The following KXD1 variants were observed in gnomAD, a reference collection of about 807,000 sequenced individuals.
The protein encoded by KXD1 is KxDL motif containing 1, also known as kxDL motif-containing protein 1.
KXD1 carries 5 observed loss-of-function variants against 12.1 expected under a neutral mutation model. That is an observed-to-expected ratio of 0.41 (90% CI 0.22 to 0.87). The LOEUF (loss-of-function observed/expected upper bound fraction) is 0.87. Among genes scored for constraint, KXD1 ranks in the 40% least tolerant of loss-of-function variants. The pLI, the probability that KXD1 is intolerant of heterozygous loss-of-function variation, is 0.31. For missense variants in KXD1, 193 were observed against 244.9 expected, an observed-to-expected ratio of 0.79 and a Z score of 1.41; for synonymous variants, 98 against 100.5, an observed-to-expected ratio of 0.98 and a Z score of 0.15.
chr19:18,567,943 G>A (rs1429773723), intron 4 of KXD1, among the ~76,000 whole-genome samples: 1 of 152,106 alleles, frequency 6.6e-6, no homozygotes, highest in Non-Finnish European at 1.5e-5. Context: ...TTCCCTGCCT[G>A]GGCCTCAGTT....
chr19:18,565,230 G>GTTTTT, intron 3 of KXD1: 10 of 1,090,242 alleles, frequency 9.2e-6, no homozygotes, highest in Admixed American at 7.3e-5. Flanking sequence ...TCGAGACAGA[G>GTTTTT]TTTTTTTTTT....
chr19:18,558,822 G>C (rs543062198), intron 1 of KXD1: 3 of 152,012 alleles, frequency 2.0e-5, no homozygotes, highest in African/African-American at 4.8e-5. Context: ...AGGAAGTTGC[G>C]GGGGGACGGG....
intron 1 of KXD1, chr19:18,561,769 G>GTC: frequency 3.9e-6 from 1 of 258,270 alleles, no homozygotes; most frequent in Non-Finnish European, 7.5e-6. Flanking sequence ...TGTGGCCTTG[G>GTC]GCTCATGGAA....
chr19:18,559,329 A>G (rs1977042603), intron 1 of KXD1: 1 of 151,958 alleles, frequency 6.6e-6, no homozygotes, highest in South Asian at 2.1e-4. Flanking sequence ...GAATGTGGAG[A>G]CTGGGTGTCT....
intron 4 of KXD1, 69 bp downstream of exon 4, chr19:18,567,247 G>A: frequency 6.6e-7 from 1 of 1,504,258 alleles, no homozygotes. Context: ...GCTTCTGGAA[G>A]GCCACCTTGG....
intron 2 of KXD1, among the ~76,000 whole-genome samples, chr19:18,563,476 G>A (rs190194181): frequency 4.6e-5 from 7 of 151,846 alleles, no homozygotes; most frequent in African/African-American, 1.7e-4. Flanking sequence ...CTCCTGAGTC[G>A]CTGGGATTAT....
At position 18,564,940 on chromosome 19, in the gene KXD1, A is replaced by G; in HGVS notation, c.173A>G (p.Gln58Arg). Residue 58 changes from glutamine (Q) to arginine (R), a missense_variant, in exon 3 of 5, where the codon CAG becomes CGG. By Grantham distance (43) the Gln-to-Arg change is conservative (BLOSUM62 1). Coordinates refer to ENST00000222307, the MANE Select transcript of KXD1 (RefSeq NM_024069.4). ...FNNLSSARLQ[Q>R]MSERFLHHTR... is the part of the protein sequence containing the mutation. ...AACCTGTCCAGTGCCCGCCTGCAGC[A>G]GATGAGCGAACGCTTCCTGCACCAC... 3.1e-6 allele frequency: 5 copies of G among 1,613,542 alleles called. No individual in the cohort carries two copies. Among genetic ancestry groups the G allele is most frequent in the Non-Finnish European group, 4.2e-6 (5 of 1,180,024 alleles).
intron 3 of KXD1, chr19:18,565,261 G>C: frequency 8.5e-7 from 1 of 1,179,372 alleles, no homozygotes; most frequent in Non-Finnish European, 1.1e-6. Flanking sequence ...ACGGAGTCTC[G>C]CTCTGTTGCC....
intron 3 of KXD1, 87 bp from the exon 4 acceptor site, chr19:18,567,045 C>T (rs1975278514): frequency 3.2e-6 from 4 of 1,261,218 alleles, no homozygotes; most frequent in Non-Finnish European, 4.6e-6. Context: ...CCCTTGCCCT[C>T]AGCTGGCAGC....
At chr19:18,567,575 G>C (rs909682982) in intron 4 of KXD1, among the ~76,000 whole-genome samples, 3 of 152,208 alleles carry the variant, frequency 2.0e-5, no homozygotes, top group African/African-American at 7.2e-5. Flanking sequence ...TCACCCATGG[G>C]GTGGGGACTG....
chr19:18,564,963 C>T lies in KXD1; in HGVS notation c.196C>T (p.His66Tyr). Residue 66 changes from histidine (H) to tyrosine (Y), a missense_variant, in exon 3 of 5, where the codon CAC becomes TAC. Coordinates refer to ENST00000222307, the MANE Select transcript of KXD1 (RefSeq NM_024069.4). ...LQQMSERFLH[H>Y]TRTLVEMKRD... The stretch of plus-strand genomic sequence containing the variant: ...GCAGATGAGCGAACGCTTCCTGCAC[C>T]ACACGAGGACCCTAGTAGAGATGAA... The T allele has an allele frequency of 3.1e-6, 5 of 1,612,352 alleles. No homozygotes were observed. Among genetic ancestry groups the T allele is most frequent in the Non-Finnish European group, 4.2e-6 (5 of 1,180,004 alleles).
intron 3 of KXD1, 73 bp from the exon 4 acceptor site, chr19:18,567,059 G>A: frequency 7.0e-7 from 1 of 1,437,514 alleles, no homozygotes. Context: ...TGGCAGCAGG[G>A]GCTTGTGGCC....
chr19:18,558,931 CTG>C (rs1977022111), intron 1 of KXD1: 1 of 146,720 alleles, frequency 6.8e-6, no homozygotes, highest in Non-Finnish European at 1.5e-5. Flanking sequence ...GGTCCCAGTA[CTG>C]TGTCTCACTG....
chr19:18,559,967 CTT>C (rs1038822511), intron 1 of KXD1: 5 of 147,564 alleles, frequency 3.4e-5, no homozygotes, highest in African/African-American at 1.3e-4. Flanking sequence ...TTCTCTCTCT[CTT>C]TCTCTCTCTC....
chr19:18,563,548 G>C (rs555973029), intron 2 of KXD1, among the ~76,000 whole-genome samples: 6 of 151,982 alleles, frequency 3.9e-5, no homozygotes. Flanking sequence ...TCTCTCGCCA[G>C]GCTGGAGCAC....
rs545570965 is a variant in KXD1, at chr19:18,568,382, C to T, written c.302-20C>T. ...GCTTGGCAAGGTGACAAAACCAACT[C>T]TTGGGCCTCCTTCCCCCAGATATCC... On this transcript the variant is annotated intron_variant, in intron 4 of 4. Coordinates refer to ENST00000222307, the MANE Select transcript of KXD1 (RefSeq NM_024069.4). The T allele has an allele frequency of 8.2e-6, 13 of 1,593,656 alleles. No individual in the cohort carries two copies. In the African/African-American group the frequency reaches 1.1e-4, roughly 13 times the overall value.
rs151320558 is a variant in KXD1, at chr19:18,563,638, G to T, written c.102-1231G>T. On this transcript the variant is annotated intron_variant, in intron 2 of 4. Coordinates refer to ENST00000222307, the MANE Select transcript of KXD1 (RefSeq NM_024069.4). ...ACTGCCTCAGCCTTCCAAGTAGCTG[G>T]GACTACAGGTGTGCGCCACCACGGC... Among the ~76,000 whole-genome samples the T allele has an allele frequency of 3.2e-3, 483 of 152,068 alleles. 3 individuals carry two copies. The highest frequency in any genetic ancestry group is 0.011 in the African/African-American group (465 of 41,478).
At chr19:18,565,630 C>T (rs534866194) in intron 3 of KXD1, among the ~76,000 whole-genome samples, 23 of 152,340 alleles carry the variant, frequency 1.5e-4, no homozygotes, top group African/African-American at 5.5e-4. Context: ...TCTTGTGCTT[C>T]AGCCTTCTGA....
chr19:18,565,263 T>A lies in KXD1; in HGVS notation c.254+242T>A, dbSNP rs1400771947. Reference sequence around the variant, plus strand: ...TTTTTTTTTGGAGACGGAGTCTCGCTCTGTTGCCCAGGCTGGAGTGCAGTG... The same window carrying A: ...TTTTTTTTTGGAGACGGAGTCTCGCACTGTTGCCCAGGCTGGAGTGCAGTG... On this transcript the variant is annotated intron_variant, in intron 3 of 4. Transcript: ENST00000222307. The A allele has an allele frequency of 5.9e-6, 7 of 1,176,620 alleles. No homozygotes were observed. In the East Asian group the frequency reaches 1.6e-4, roughly 28 times the overall value. The allele number at this position is 1,176,620 out of a possible 1,614,324, so 72.9% of individuals were successfully genotyped here.
Sources: allele counts gnomAD v4.1 joint callset (sites outside exome capture counted in the v4.1 genomes callset), GRCh38; gene constraint gnomAD v4.1.1; transcripts MANE v1.5; gene names NCBI Gene and HGNC (gene_info 2026-07-23, HGNC 2026-07-21).